The following SEMA3A variants were observed in gnomAD, a reference collection of about 807,000 sequenced individuals.
SEMA3A encodes semaphorin-3A.
Under a neutral mutation model 97.9 loss-of-function variants are expected in SEMA3A, and 29 were observed. The ratio of observed to expected loss-of-function variants is 0.30; its 90% confidence interval spans 0.22 to 0.40. The LOEUF (loss-of-function observed/expected upper bound fraction) is 0.40. Among genes scored for constraint, SEMA3A ranks in the 10% least tolerant of loss-of-function variants. The pLI, the probability that SEMA3A is intolerant of heterozygous loss-of-function variation, is 1.00. For missense variants in SEMA3A, 763 were observed against 951.3 expected (o/e 0.80, Z 2.60); for synonymous variants, 321 against 323.7 (o/e 0.99, Z 0.09).
chr7:83,989,764 G>A (rs1417889913), intron 12 of SEMA3A, among the ~76,000 whole-genome samples: 6 of 148,180 alleles, frequency 4.0e-5, no homozygotes, highest in Non-Finnish European at 7.4e-5. Flanking sequence ...TGTGAATACT[G>A]CCGCAATAAA....
At chr7:84,084,763 T>C (rs1173251866) in intron 4 of SEMA3A, among the ~76,000 whole-genome samples, 1 of 152,114 alleles carries the variant, frequency 6.6e-6, no homozygotes, top group East Asian at 1.9e-4. Flanking sequence ...AAGCACTTTT[T>C]TATAGAGCTT....
Position 84,054,589 on chromosome 7 carries a change from C to G in SEMA3A, c.547+5876G>C, listed in dbSNP as rs1466010993. ...TAAGCACTTCTCTGTATTGGTTATTCTAGTTATACATTCTTCTAAATTTTT... is the reference window on the plus strand; with the variant it reads ...TAAGCACTTCTCTGTATTGGTTATTGTAGTTATACATTCTTCTAAATTTTT... On this transcript the variant is annotated intron_variant, in intron 5 of 16. Coordinates refer to ENST00000265362, the MANE Select transcript of SEMA3A (RefSeq NM_006080.3). Among the ~76,000 whole-genome samples, 4 of 146,026 alleles carry G rather than the reference C, an allele frequency of 2.7e-5. No homozygotes were observed. The Admixed American group carries it at 2.8e-4, about 10-fold the overall frequency.
intron 3 of SEMA3A, among the ~76,000 whole-genome samples, chr7:84,262,861 C>T (rs1340500834): frequency 5.9e-5 from 9 of 152,104 alleles, no homozygotes; most frequent in Admixed American, 2.0e-4. Context: ...AGACTAAGAA[C>T]GTGTATAGCC....
At chr7:84,237,830 T>C (rs1799271369) in intron 3 of SEMA3A, among the ~76,000 whole-genome samples, 1 of 152,086 alleles carries the variant, frequency 6.6e-6, no homozygotes, top group Admixed American at 6.6e-5. Flanking sequence ...ATGCAACCAA[T>C]TAATAGAAAC....
intron 4 of SEMA3A, among the ~76,000 whole-genome samples, chr7:84,095,213 G>A (rs1200473341): frequency 8.5e-6 from 1 of 117,166 alleles, no homozygotes; most frequent in Admixed American, 9.4e-5. Context: ...TGTATAAAAT[G>A]CAATTATATA....
intron 1 of SEMA3A, among the ~76,000 whole-genome samples, chr7:84,149,312 T>C (rs1458261229): frequency 6.6e-6 from 1 of 152,232 alleles, no homozygotes. Flanking sequence ...TTTCTTGCTA[T>C]TAATGTAATT....
chr7:84,488,115 A>G (rs944802847), intron 1 of SEMA3A, among the ~76,000 whole-genome samples: 2 of 152,212 alleles, frequency 1.3e-5, no homozygotes, highest in African/African-American at 4.8e-5. Flanking sequence ...TAAACCTATA[A>G]TATTAAAAAT....
chr7:84,261,470 G>A (rs1164929649), intron 3 of SEMA3A, among the ~76,000 whole-genome samples: 1 of 152,222 alleles, frequency 6.6e-6, no homozygotes, highest in Non-Finnish European at 1.5e-5. Context: ...AGCCAGGGCT[G>A]TAATACGTTA....
chr7:84,061,357 T>C (rs1483616221), intron 4 of SEMA3A, among the ~76,000 whole-genome samples: 1 of 152,138 alleles, frequency 6.6e-6, no homozygotes, highest in Non-Finnish European at 1.5e-5. Context: ...AAAATCTTGA[T>C]AAGGAGATAA....
chr7:84,282,163 G>T (rs942070256), intron 3 of SEMA3A, among the ~76,000 whole-genome samples: 1 of 152,088 alleles, frequency 6.6e-6, no homozygotes, highest in South Asian at 2.1e-4. Flanking sequence ...GAACCAATCC[G>T]CCACTATTAA....
At chr7:84,089,366 G>T (rs1477955988) in intron 4 of SEMA3A, among the ~76,000 whole-genome samples, 1 of 152,026 alleles carries the variant, frequency 6.6e-6, no homozygotes, top group Non-Finnish European at 1.5e-5. Context: ...ACAAGAGTAA[G>T]AATTTTCAAC....
At chr7:84,282,708 C>T (rs1800471621) in intron 3 of SEMA3A, among the ~76,000 whole-genome samples, 1 of 152,080 alleles carries the variant, frequency 6.6e-6, no homozygotes, top group African/African-American at 2.4e-5. Flanking sequence ...TAAACAAAAA[C>T]TTCCATGATA....
chr7:84,227,485 G>A (rs1436077895), intron 3 of SEMA3A, among the ~76,000 whole-genome samples: 1 of 151,904 alleles, frequency 6.6e-6, no homozygotes, highest in Admixed American at 6.6e-5. Flanking sequence ...ATAGCTGCCT[G>A]GAAAAGTCAT....
At chr7:84,380,149 A>G (rs184129599) in intron 1 of SEMA3A, among the ~76,000 whole-genome samples, 179 of 152,334 alleles carry the variant, frequency 1.2e-3, no homozygotes, top group African/African-American at 3.9e-3. Context: ...AATTATTTAC[A>G]TCATAACAAA....
intron 3 of SEMA3A, among the ~76,000 whole-genome samples, chr7:84,221,062 A>C (rs1798869053): frequency 6.6e-6 from 1 of 152,112 alleles, no homozygotes. Context: ...CACCTTCATC[A>C]ATTACTTAGC....
chr7:84,291,616 T>C (rs1800748719), intron 3 of SEMA3A, among the ~76,000 whole-genome samples: 1 of 152,144 alleles, frequency 6.6e-6, no homozygotes, highest in Admixed American at 6.6e-5. Context: ...TCTTTCAAGT[T>C]GCAAAGGCAG....
intron 2 of SEMA3A, among the ~76,000 whole-genome samples, chr7:84,318,195 C>T (rs185980389): frequency 4.6e-5 from 7 of 151,738 alleles, no homozygotes; most frequent in Admixed American, 4.6e-4. Context: ...ATGTTAATAC[C>T]AAATTGATAA....
chr7:84,219,916 G>C (rs1220290862), intron 3 of SEMA3A, among the ~76,000 whole-genome samples: 6 of 152,074 alleles, frequency 3.9e-5, no homozygotes, highest in Non-Finnish European at 7.4e-5. Context: ...GACTGATCAG[G>C]GTGGCAGTTG....
chr7:83,969,695 G>C (rs1788845094), intron 15 of SEMA3A, among the ~76,000 whole-genome samples: 1 of 152,144 alleles, frequency 6.6e-6, no homozygotes, highest in Admixed American at 6.5e-5. Context: ...GAGGATGTAA[G>C]CATTTCAAAT....
Sources: gnomAD v4.1 joint callset for allele counts (sites outside exome capture counted in the v4.1 genomes callset) on GRCh38, gnomAD v4.1.1 for gene constraint, MANE v1.5 for transcripts, NCBI Gene and HGNC (gene_info 2026-07-23, HGNC 2026-07-21) for gene names.